The following CDC42BPA variants were observed in gnomAD, a reference collection of about 807,000 sequenced individuals.
The protein encoded by CDC42BPA is CDC42 binding protein kinase alpha, also known as serine/threonine-protein kinase MRCK alpha.
In CDC42BPA, 80 loss-of-function variants were observed where a neutral mutation model predicts 223.5. That is an observed-to-expected ratio of 0.36 (90% CI 0.30 to 0.43). The LOEUF is 0.43. CDC42BPA is among the 20% of genes least tolerant of loss of function. The pLI is 1.00. For synonymous variants in CDC42BPA, 694 were observed against 718.6 expected (o/e 0.97, Z 0.55); for missense variants, 1,743 against 2,099.9 (o/e 0.83, Z 3.32).
At chr1:227,121,705 G>A (rs1291717114) in intron 11 of CDC42BPA, among the ~76,000 whole-genome samples, 3 of 151,730 alleles carry the variant, frequency 2.0e-5, no homozygotes, top group Non-Finnish European at 4.4e-5. Flanking sequence ...TTTCATATGG[G>A]AATATTTCTA....
At chr1:227,169,893 T>C (rs1390066915) in intron 5 of CDC42BPA, among the ~76,000 whole-genome samples, 1 of 152,240 alleles carries the variant, frequency 6.6e-6, no homozygotes, top group Non-Finnish European at 1.5e-5. Context: ...CTCATACATT[T>C]GGACCATTAT....
chr1:227,150,879 A>G (rs1477533403), intron 6 of CDC42BPA, among the ~76,000 whole-genome samples: 3 of 151,608 alleles, frequency 2.0e-5, no homozygotes, highest in Non-Finnish European at 4.4e-5. Context: ...GAAAAAAAAA[A>G]AGAAGTTGGA....
chr1:227,217,576 G>A (rs1246307934), intron 2 of CDC42BPA, among the ~76,000 whole-genome samples: 3 of 152,076 alleles, frequency 2.0e-5, no homozygotes, highest in Non-Finnish European at 2.9e-5. Context: ...CTCTTGAAAT[G>A]TAGCTCAGAT....
At chr1:227,016,229 T>C in intron 33 of CDC42BPA, 32 bp from the exon 34 acceptor site, 1 of 1,146,872 alleles carries the variant, frequency 8.7e-7, no homozygotes, top group Non-Finnish European at 1.3e-6. Context: ...TAGATACTTT[T>C]TCCACAGTTA....
intron 14 of CDC42BPA, among the ~76,000 whole-genome samples, chr1:227,111,465 A>G (rs1351059094): frequency 6.6e-6 from 1 of 152,100 alleles, no homozygotes; most frequent in Admixed American, 6.6e-5. Context: ...AGAGGAGAAA[A>G]TTAAAGTATA....
chr1:227,108,896 T>C (rs1471135254), intron 14 of CDC42BPA, among the ~76,000 whole-genome samples: 1 of 152,166 alleles, frequency 6.6e-6, no homozygotes, highest in Non-Finnish European at 1.5e-5. Flanking sequence ...TGGTATAGCC[T>C]ATTGCTCCCA....
intron 35 of CDC42BPA, among the ~76,000 whole-genome samples, chr1:226,996,333 T>C (rs1661594430): frequency 6.6e-6 from 1 of 152,266 alleles, no homozygotes; most frequent in Non-Finnish European, 1.5e-5. Flanking sequence ...CCTGAGACTT[T>C]GCTGAAGTTG....
chr1:227,156,827 C>G (rs1384912505), intron 6 of CDC42BPA, among the ~76,000 whole-genome samples: 1 of 152,028 alleles, frequency 6.6e-6, no homozygotes, highest in Non-Finnish European at 1.5e-5. Context: ...TAGCTCTCTC[C>G]GTGGAGTTAT....
At chr1:227,139,024 G>A (rs1403717586) in intron 10 of CDC42BPA, among the ~76,000 whole-genome samples, 2 of 152,092 alleles carry the variant, frequency 1.3e-5, no homozygotes, top group Admixed American at 1.3e-4. Context: ...GCTGGAAACT[G>A]CGATTAAAGA....
intron 3 of CDC42BPA, among the ~76,000 whole-genome samples, chr1:227,206,449 C>T (rs2150299069): frequency 6.6e-6 from 1 of 152,268 alleles, no homozygotes; most frequent in East Asian, 1.9e-4. Context: ...ATATATTTGA[C>T]ATATGGCTTG....
intron 12 of CDC42BPA, among the ~76,000 whole-genome samples, chr1:227,116,819 A>T (rs1687848232): frequency 6.6e-6 from 1 of 152,116 alleles, no homozygotes. Flanking sequence ...TCTGGAGGTT[A>T]TGTGTTTACA....
At chr1:227,067,953 G>T (rs1677457598) in intron 21 of CDC42BPA, among the ~76,000 whole-genome samples, 1 of 152,004 alleles carries the variant, frequency 6.6e-6, no homozygotes, top group Non-Finnish European at 1.5e-5. Context: ...CATTTAATGT[G>T]GAATAGAGAG....
intron 1 of CDC42BPA, among the ~76,000 whole-genome samples, chr1:227,285,889 A>C (rs1454332507): frequency 6.6e-6 from 1 of 152,170 alleles, no homozygotes; most frequent in Non-Finnish European, 1.5e-5. Context: ...TTATTAATCC[A>C]GCTGGAGTCA....
intron 6 of CDC42BPA, among the ~76,000 whole-genome samples, chr1:227,153,212 T>A (rs961285937): frequency 6.8e-6 from 1 of 147,964 alleles, no homozygotes; most frequent in East Asian, 2.0e-4. Context: ...CTTATGGGCA[T>A]ATACATCTGT....
intron 34 of CDC42BPA, among the ~76,000 whole-genome samples, chr1:227,014,649 T>C (rs1665862392): frequency 6.6e-6 from 1 of 152,214 alleles, no homozygotes; most frequent in Admixed American, 6.5e-5. Flanking sequence ...TAGATGTTTA[T>C]ATCTTCTATC....
chr1:227,135,784 G>A (rs543846091), intron 10 of CDC42BPA, among the ~76,000 whole-genome samples: 1 of 142,318 alleles, frequency 7.0e-6, no homozygotes, highest in African/African-American at 2.6e-5. Flanking sequence ...AACCTGGGAG[G>A]CGGAGGTTGC....
At chr1:227,294,271 C>CAA (rs372428331) in intron 1 of CDC42BPA, among the ~76,000 whole-genome samples, 290 of 137,904 alleles carry the variant, frequency 2.1e-3, no homozygotes, top group Middle Eastern at 3.8e-3. Flanking sequence ...GACTTCATCT[C>CAA]AAAAAAAAAA....
At chr1:227,188,172 A>C (rs1322419511) in intron 5 of CDC42BPA, among the ~76,000 whole-genome samples, 1 of 152,170 alleles carries the variant, frequency 6.6e-6, no homozygotes, top group Non-Finnish European at 1.5e-5. Flanking sequence ...GAATGCCAAC[A>C]ATGTACTCAA....
chr1:227,065,976 A>G (rs1676958089), intron 21 of CDC42BPA, among the ~76,000 whole-genome samples: 1 of 152,210 alleles, frequency 6.6e-6, no homozygotes, highest in East Asian at 1.9e-4. Flanking sequence ...ACAAAAAAGA[A>G]TGTCCAGAAG....
Sources: gnomAD v4.1 joint callset for allele counts (sites outside exome capture counted in the v4.1 genomes callset) on GRCh38, gnomAD v4.1.1 for gene constraint, MANE v1.5 for transcripts, NCBI Gene and HGNC (gene_info 2026-07-23, HGNC 2026-07-21) for gene names.